RNF214: variants seen among roughly 807,000 people sequenced by gnomAD.
RNF214 encodes ring finger protein 214.
A neutral mutation model predicts 75.9 loss-of-function variants in RNF214; 25 were observed. That is an observed-to-expected ratio of 0.33 (90% CI 0.24 to 0.46). The LOEUF is 0.46. RNF214 is among the 20% of genes least tolerant of loss of function. The pLI, the probability that RNF214 is intolerant of heterozygous loss-of-function variation, is 1.00. For missense variants in RNF214, 725 were observed against 857.5 expected (o/e 0.85, Z 1.93); for synonymous variants, 314 against 308.8 (o/e 1.02, Z -0.18).
chr11:117,249,666 C>T (rs573496368), intron 6 of RNF214, among the ~76,000 whole-genome samples: 20 of 152,132 alleles, frequency 1.3e-4, no homozygotes, highest in Non-Finnish European at 2.4e-4. Context: ...GCTGGAAATC[C>T]GACATAAAGA....
chr11:117,283,375 G>GTTTTT (rs1158810726), intron 14 of RNF214, among the ~76,000 whole-genome samples, 165 bp downstream of exon 14: 1 of 151,684 alleles, frequency 6.6e-6, no homozygotes, highest in Non-Finnish European at 1.5e-5. Flanking sequence ...GTTTTGTTTT[G>GTTTTT]TTTTAGACAG....
rs567955474 is a variant in RNF214, at chr11:117,247,568, A to G, written c.959+620A>G. ...AACCTGATATTTACAAGTTCAGACC[A>G]TGGGACAGGCACAGTGGCTCACGCC... On this transcript the variant is annotated intron_variant, in intron 6 of 14. Coordinates refer to ENST00000300650, the MANE Select transcript of RNF214 (RefSeq NM_207343.4). Among the ~76,000 whole-genome samples the G allele has an allele frequency of 7.1e-5, 10 of 141,424 alleles. No homozygotes were observed. The East Asian group carries it at 2.6e-3, about 36-fold the overall frequency. The allele number at this position is 141,424 out of a possible 152,430, so 92.8% of individuals were successfully genotyped here.
chr11:117,253,428 A>C (rs1232326215), intron 6 of RNF214, among the ~76,000 whole-genome samples: 2 of 152,192 alleles, frequency 1.3e-5, no homozygotes, highest in Non-Finnish European at 2.9e-5. Context: ...TTGCTTTTGC[A>C]GGGATAATTT....
intron 6 of RNF214, among the ~76,000 whole-genome samples, chr11:117,249,095 T>A (rs1171876637): frequency 6.6e-6 from 1 of 152,152 alleles, no homozygotes; most frequent in African/African-American, 2.4e-5. Context: ...GATAATTTTT[T>A]AAATTTTTTT....
Position 117,266,546 on chromosome 11 carries a change from G to A in RNF214, c.960-13362G>A, listed in dbSNP as rs985292037. 3.3e-5 allele frequency among the ~76,000 whole-genome samples: 5 copies of A among 151,960 alleles called. 1 individual carries two copies. Among genetic ancestry groups the A allele is most frequent in the African/African-American group, 1.2e-4 (5 of 41,362 alleles). On this transcript the variant is annotated intron_variant, in intron 6 of 14. Transcript: ENST00000300650. ...GGCTAATTTTTGTATTTTGTTCAGA[G>A]ACAGGGGTTTGCCATGTCGCCCAGG...
chr11:117,240,321 G>T (rs1269589549), intron 4 of RNF214, among the ~76,000 whole-genome samples: 1 of 149,624 alleles, frequency 6.7e-6, no homozygotes, highest in Non-Finnish European at 1.5e-5. Context: ...GGCTGTGTGA[G>T]CCGTGATTGT....
chr11:117,253,835 C>A (rs2072550850), intron 6 of RNF214, among the ~76,000 whole-genome samples: 1 of 152,034 alleles, frequency 6.6e-6, no homozygotes, highest in African/African-American at 2.4e-5. Context: ...ATAAAAACTG[C>A]AATATCAAGC....
intron 6 of RNF214, among the ~76,000 whole-genome samples, chr11:117,262,735 T>TGTGTG (rs1565340539): frequency 4.4e-5 from 3 of 68,380 alleles, no homozygotes; most frequent in African/African-American, 2.3e-4. Flanking sequence ...GTGTGTGTGT[T>TGTGTG]TAATTTTTAA....
intron 6 of RNF214, among the ~76,000 whole-genome samples, chr11:117,250,078 G>T (rs1409170209): frequency 1.3e-5 from 2 of 152,166 alleles, no homozygotes; most frequent in African/African-American, 4.8e-5. Flanking sequence ...GAGAGACATA[G>T]ATAAACAGAT....
intron 6 of RNF214, among the ~76,000 whole-genome samples, chr11:117,252,703 G>A (rs1199072895): frequency 5.3e-5 from 8 of 151,788 alleles, no homozygotes. Context: ...TGTATTTTTA[G>A]TAGAGACGGG....
intron 6 of RNF214, among the ~76,000 whole-genome samples, chr11:117,266,173 C>T (rs969805224): frequency 1.3e-5 from 2 of 152,022 alleles, no homozygotes; most frequent in Admixed American, 6.6e-5. Flanking sequence ...ATTCTCTTTC[C>T]CTCTGTGTAT....
At chr11:117,242,479 G>A (rs779658539) in intron 4 of RNF214, among the ~76,000 whole-genome samples, 15 of 152,204 alleles carry the variant, frequency 9.9e-5, no homozygotes, top group Non-Finnish European at 5.9e-5. Context: ...AACCCAGCAA[G>A]TTACTGGGCC....
At chr11:117,245,712 A>G (rs2033204287) in intron 5 of RNF214, among the ~76,000 whole-genome samples, 1 of 152,162 alleles carries the variant, frequency 6.6e-6, no homozygotes, top group Non-Finnish European at 1.5e-5. Context: ...CTATTTTTGA[A>G]TTAGATCGAT....
Position 117,285,452 on chromosome 11 carries a change from A to G in RNF214, c.*301A>G, listed in dbSNP as rs1316651416. Reference sequence around the variant, plus strand: ...ATATCCCTGCCCAGGGCTGTTTTCAAATACAATATAAAAACCACCTAGGAA... The same window carrying G: ...ATATCCCTGCCCAGGGCTGTTTTCAGATACAATATAAAAACCACCTAGGAA... On this transcript the variant is annotated 3_prime_UTR_variant, in exon 15 of 15. Coordinates refer to ENST00000300650, the MANE Select transcript of RNF214 (RefSeq NM_207343.4). The G allele has an allele frequency of 8.7e-6, 2 of 230,982 alleles. No homozygotes were observed. The highest frequency in any genetic ancestry group is 1.1e-4 in the East Asian group (1 of 9,054). The allele number at this position is 230,982 out of a possible 1,614,324, so 14.3% of individuals were successfully genotyped here.
intron 6 of RNF214, among the ~76,000 whole-genome samples, chr11:117,262,747 A>G (rs1253266125): frequency 7.3e-6 from 1 of 136,226 alleles, no homozygotes; most frequent in Non-Finnish European, 1.6e-5. Flanking sequence ...AATTTTTAAA[A>G]TTTAGTTATA....
At chr11:117,256,169 T>C (rs2033516826) in intron 6 of RNF214, among the ~76,000 whole-genome samples, 2 of 152,148 alleles carry the variant, frequency 1.3e-5, no homozygotes, top group Admixed American at 6.5e-5. Flanking sequence ...ATATAGCTAA[T>C]CCTCCTCTTC....
At chr11:117,284,657 C>T (rs368654744) in intron 14 of RNF214, among the ~76,000 whole-genome samples, 69 of 152,140 alleles carry the variant, frequency 4.5e-4, no homozygotes, top group Non-Finnish European at 2.1e-4. Flanking sequence ...GGGCCAGGCG[C>T]GGTGGCTCAC....
At chr11:117,260,160 C>T (rs1015505405) in intron 6 of RNF214, among the ~76,000 whole-genome samples, 3 of 151,922 alleles carry the variant, frequency 2.0e-5, no homozygotes, top group Non-Finnish European at 4.4e-5. Context: ...CTATGATGCC[C>T]AGGTTGGAGT....
At chr11:117,270,251 T>C (rs992132464) in intron 6 of RNF214, among the ~76,000 whole-genome samples, 9 of 134,488 alleles carry the variant, frequency 6.7e-5, no homozygotes, top group Middle Eastern at 3.3e-3. Context: ...CTTTTTTTTT[T>C]TTTTTTTTTT....
Sources: allele counts gnomAD v4.1 joint callset (sites outside exome capture counted in the v4.1 genomes callset), GRCh38; gene constraint gnomAD v4.1.1; transcripts MANE v1.5; gene names NCBI Gene and HGNC (gene_info 2026-07-23, HGNC 2026-07-21).